The following SYT2 variants were observed in gnomAD, a reference collection of about 807,000 sequenced individuals.
SYT2 encodes synaptotagmin-2.
Under a neutral mutation model 39.9 loss-of-function variants are expected in SYT2, and 15 were observed. The ratio of observed to expected loss-of-function variants is 0.38; its 90% CI spans 0.25 to 0.58. SYT2 has a LOEUF of 0.58. Among genes scored for constraint, SYT2 ranks in the 20% least tolerant of loss-of-function variants. The probability of loss-of-function intolerance (pLI) is 0.70; values close to 1 mark genes in which losing one functional copy is unlikely to be tolerated. For missense variants in SYT2, 389 were observed against 530.3 expected (o/e 0.73, Z 2.62); for synonymous variants, 181 against 204.5 (o/e 0.89, Z 0.98).
chr1:202,626,369 G>T (rs1691404724), intron 1 of SYT2, among the ~76,000 whole-genome samples: 1 of 146,010 alleles, frequency 6.8e-6, no homozygotes, highest in South Asian at 2.2e-4. Flanking sequence ...TTGGAAAGTG[G>T]CTTTGCATCT....
intron 1 of SYT2, among the ~76,000 whole-genome samples, chr1:202,707,898 C>T (rs1654293436): frequency 6.6e-6 from 1 of 152,162 alleles, no homozygotes; most frequent in South Asian, 2.1e-4. Context: ...CAAAGCCCAC[C>T]CCCAGGTCTC....
chr1:202,601,905 G>A lies in SYT2; in HGVS notation c.786C>T (p.Gly262=), dbSNP rs762689164. The change falls in exon 6 of 9, where the codon GGC becomes GGT. Residue 262 remains glycine, a synonymous_variant. Coordinates refer to ENST00000367268, the MANE Select transcript of SYT2 (RefSeq NM_177402.5). This position sits in a 1 kb window ranked among gnomAD's most constrained non-coding sequence, Gnocchi z 4.0. ...CTGCTCTTACCTCCTCCTTTTCCCC[G>A]CCTTGCAGGTCTCTCCACTCCTCAA... is the stretch of plus-strand genomic sequence containing the variant. ...QPIEEWRDLQ[G]GEKEEPEKLG... is the part of the protein sequence containing the mutation. 1.5e-5 allele frequency: 24 copies of A among 1,613,676 alleles called. No homozygotes were observed. The highest frequency in any genetic ancestry group is 5.0e-5 in the Admixed American group (3 of 59,964).
chr1:202,667,137 G>A (rs1692493689), intron 1 of SYT2, among the ~76,000 whole-genome samples: 1 of 152,116 alleles, frequency 6.6e-6, no homozygotes, highest in Non-Finnish European at 1.5e-5. Flanking sequence ...GAAGTAAGGC[G>A]GGGAAAAGAC....
chr1:202,597,002 C>A, intron 8 of SYT2, 39 bp from the exon 9 acceptor site: 1 of 1,584,464 alleles, frequency 6.3e-7, no homozygotes, highest in South Asian at 1.1e-5. Flanking sequence ...CAGACAGAGA[C>A]GTGGGATCCC....
intron 8 of SYT2, among the ~76,000 whole-genome samples, chr1:202,598,507 G>A (rs2149065286): frequency 6.6e-6 from 1 of 152,168 alleles, no homozygotes; most frequent in African/African-American, 2.4e-5. Context: ...TTGTACCCTT[G>A]CCCCCAGCCC....
intron 1 of SYT2, among the ~76,000 whole-genome samples, chr1:202,646,152 C>G (rs1218336351): frequency 1.3e-5 from 2 of 152,160 alleles, no homozygotes; most frequent in Non-Finnish European, 2.9e-5. Context: ...TCCTGACTGT[C>G]CATCCTACCC....
At chr1:202,616,003 C>G (rs928468672) in intron 1 of SYT2, among the ~76,000 whole-genome samples, 1 of 152,144 alleles carries the variant, frequency 6.6e-6, no homozygotes, top group African/African-American at 2.4e-5. Flanking sequence ...GCTGAGCCCC[C>G]TGGTGAAAAT....
chr1:202,614,433 G>A lies in SYT2; in HGVS notation c.-17-8644C>T, dbSNP rs1189662835. The stretch of plus-strand genomic sequence containing the variant: ...GCACTAGGATGGGAAGGTAAGGAAT[G>A]GAGTAGAGAGAACAGATGTGAGAGA... On this transcript the variant is annotated intron_variant, in intron 1 of 8. Coordinates refer to ENST00000367268, the MANE Select transcript of SYT2 (RefSeq NM_177402.5). The surrounding 1 kb of genome is among the most constrained non-coding windows in gnomAD (Gnocchi z 4.0). Among the ~76,000 whole-genome samples, 1 of 152,204 alleles carries A rather than the reference G, an allele frequency of 6.6e-6. No homozygotes were observed. The highest frequency in any genetic ancestry group is 1.5e-5 in the Non-Finnish European group (1 of 68,042).
chr1:202,602,541 G>A lies in SYT2; in HGVS notation c.470C>T (p.Thr157Ile). 6.2e-7 allele frequency: 1 copy of A among 1,612,032 alleles called. No individual in the cohort carries two copies. Among genetic ancestry groups the A allele is most frequent in the South Asian group, 1.1e-5 (1 of 90,882 alleles). Reference sequence around the variant, plus strand: ...TTCAGCAGCCTGCAGAACGCCCACAGTAAGCTGTGGAGAGAGATGGGGAGA... The same window carrying A: ...TTCAGCAGCCTGCAGAACGCCCACAATAAGCTGTGGAGAGAGATGGGGAGA... ...LDYDFQANQL[T>I]VGVLQAAELP... The change falls in exon 5 of 9, where the codon ACT (threonine) becomes ATT (isoleucine). Residue 157 changes from threonine to isoleucine, a missense_variant. By Grantham distance (89) the Thr-to-Ile change is moderately conservative (BLOSUM62 -1). Transcript: ENST00000367268.
At position 202,600,363 on chromosome 1, in the gene SYT2, G is replaced by A. The variant is rs1690455477; in HGVS notation, c.913C>T (p.Leu305Phe). ...KNLKKMDVGG[L>F]SDPYVKIHLM... ...CCAGAAGCTCTCCACGTACCTGAAA[G>A]GCCGCCCACGTCCATCTTCTTGAGG... Residue 305 changes from leucine to phenylalanine, a missense_variant, in exon 7 of 9, where the codon CTT (leucine) becomes TTT (phenylalanine). By Grantham distance (22) the Leu-to-Phe change is conservative. Around this residue, in one of 4 missense-constraint regions of SYT2, gnomAD observed 4 missense variants for 24.6 expected, o/e 0.16. Coordinates refer to ENST00000367268, the MANE Select transcript of SYT2 (RefSeq NM_177402.5). The A allele has an allele frequency of 6.2e-7, 1 of 1,613,934 alleles. No individual in the cohort carries two copies. Among genetic ancestry groups the A allele is most frequent in the South Asian group, 1.1e-5 (1 of 91,078 alleles).
At chr1:202,702,778 G>T (rs564536042) in intron 1 of SYT2, among the ~76,000 whole-genome samples, 12 of 152,350 alleles carry the variant, frequency 7.9e-5, no homozygotes, top group Admixed American at 5.9e-4. Context: ...ATGGCAGACA[G>T]CCCCAAGAGG....
intron 1 of SYT2, among the ~76,000 whole-genome samples, chr1:202,644,541 G>C (rs1245244229): frequency 6.6e-6 from 1 of 152,004 alleles, no homozygotes; most frequent in Non-Finnish European, 1.5e-5. Flanking sequence ...AACCACCCCT[G>C]ACCTTCCCAG....
intron 1 of SYT2, chr1:202,631,998 T>C: frequency 1.0e-6 from 1 of 983,106 alleles, no homozygotes; most frequent in Non-Finnish European, 1.2e-6. Flanking sequence ...CAAGGAGAAG[T>C]AGCTGCCAAT....
intron 1 of SYT2, among the ~76,000 whole-genome samples, chr1:202,638,796 C>T (rs540809945): frequency 9.2e-5 from 14 of 152,336 alleles, no homozygotes; most frequent in South Asian, 2.1e-4. Context: ...ACTTATTCCC[C>T]GTCCTTTGCC....
chr1:202,647,463 C>A lies in SYT2; in HGVS notation c.-17-41674G>T, dbSNP rs368333109. On this transcript the variant is annotated intron_variant, in intron 1 of 8. Transcript: ENST00000367268. The stretch of plus-strand genomic sequence containing the variant: ...GCTGCTGCTTGGGAGGCTTCCCCCC[C>A]CAACCGTACTCCATGAGCACCCCCA... 7.2e-5 allele frequency among the ~76,000 whole-genome samples: 11 copies of A among 152,276 alleles called. No homozygotes were observed. The South Asian group carries it at 8.3e-4, about 11-fold the overall frequency.
intron 1 of SYT2, among the ~76,000 whole-genome samples, chr1:202,683,872 T>A (rs1284605875): frequency 3.9e-5 from 6 of 152,102 alleles, no homozygotes; most frequent in African/African-American, 1.2e-4. Flanking sequence ...ATTTCCAACC[T>A]CTAGAGTGCT....
intron 1 of SYT2, among the ~76,000 whole-genome samples, chr1:202,613,944 A>T (rs906819405): frequency 6.6e-6 from 1 of 152,208 alleles, no homozygotes; most frequent in Non-Finnish European, 1.5e-5. Flanking sequence ...TGCCGTGAAA[A>T]TTTTAAAAAT....
At chr1:202,603,537 G>A (rs1690596201) in intron 3 of SYT2, among the ~76,000 whole-genome samples, 1 of 152,150 alleles carries the variant, frequency 6.6e-6, no homozygotes, top group African/African-American at 2.4e-5. Flanking sequence ...GTACGGTCCA[G>A]GCAGACAGGA....
intron 1 of SYT2, among the ~76,000 whole-genome samples, chr1:202,648,926 G>A (rs1692140810): frequency 6.6e-6 from 1 of 152,198 alleles, no homozygotes; most frequent in Non-Finnish European, 1.5e-5. Context: ...GAAGAGGAGT[G>A]GCTGTGTGTA....
Sources: allele counts gnomAD v4.1 joint callset (sites outside exome capture counted in the v4.1 genomes callset), GRCh38; gene constraint gnomAD v4.1.1; regional missense constraint gnomAD v4.1.1; non-coding constraint Gnocchi (gnomAD v3.1); transcripts MANE v1.5; gene names NCBI Gene and HGNC (gene_info 2026-07-23, HGNC 2026-07-21).